Variants in REPS2 observed in about 807,000 individuals in gnomAD.
REPS2 encodes RALBP1 associated Eps domain containing 2, also known as ralBP1-associated Eps domain-containing protein 2.
In REPS2, 23 loss-of-function variants were observed where a neutral mutation model predicts 53.6. The observed-to-expected ratio is 0.43, with a 90% confidence interval of 0.31 to 0.61. The LOEUF (loss-of-function observed/expected upper bound fraction) is 0.61. Among genes scored for constraint, REPS2 ranks in the 20% least tolerant of loss-of-function variants. The pLI is 0.11. For synonymous variants in REPS2, 238 were observed against 218.6 expected, an observed-to-expected ratio of 1.09 and a Z score of -0.78; for missense variants, 446 against 534.9, an observed-to-expected ratio of 0.83 and a Z score of 1.64.
At chrX:17,140,856 C>T (rs1466428825) in intron 17 of REPS2, among the ~76,000 whole-genome samples, 5 of 108,660 alleles carry the variant, frequency 4.6e-5, no homozygotes, top group African/African-American at 1.0e-4. Flanking sequence ...CTGCAAGCTC[C>T]GCCTCCTGGG....
intron 1 of REPS2, among the ~76,000 whole-genome samples, chrX:16,994,447 G>A (rs994237947): frequency 5.5e-5 from 6 of 109,551 alleles, no homozygotes; most frequent in Non-Finnish European, 1.1e-4. Flanking sequence ...ATACACACAC[G>A]TAACATTTAT....
intron 13 of REPS2, among the ~76,000 whole-genome samples, chrX:17,091,109 C>T (rs940107288): frequency 8.9e-6 from 1 of 112,134 alleles, no homozygotes; most frequent in African/African-American, 3.2e-5. Context: ...TAGCACTATA[C>T]TGAATGTTTT....
At position 17,068,347 on chromosome X, in the gene REPS2, C is replaced by T; in HGVS notation, c.1210-55C>T. The T allele has an allele frequency of 6.9e-6, 7 of 1,015,876 alleles. 1 individual carries two copies. Among genetic ancestry groups the T allele is most frequent in the Admixed American group, 2.5e-5 (1 of 40,416 alleles). The allele number at this position is 1,015,876 out of a possible 1,213,427, so 83.7% of individuals were successfully genotyped here. On this transcript the variant is annotated intron_variant, in intron 9 of 17. Coordinates refer to ENST00000357277, the MANE Select transcript of REPS2 (RefSeq NM_004726.3). ...AAAATTTTTTTTCATCATATGTGCG[C>T]ATCACTTAATTTCTGTTCCAACCAG... is the stretch of plus-strand genomic sequence containing the variant.
At chrX:17,057,329 A>G (rs2147942524) in intron 8 of REPS2, among the ~76,000 whole-genome samples, 1 of 112,432 alleles carries the variant, frequency 8.9e-6, no homozygotes, top group Admixed American at 9.4e-5. Context: ...TTAAATAAAA[A>G]GTCTGTCATT....
At chrX:17,004,792 A>C (rs918658446) in intron 1 of REPS2, among the ~76,000 whole-genome samples, 2 of 112,148 alleles carry the variant, frequency 1.8e-5, no homozygotes, top group Non-Finnish European at 3.8e-5. Flanking sequence ...ACTGAAAGTT[A>C]ACTTGATAGT....
chrX:17,084,946 A>G (rs1407783797), intron 13 of REPS2, among the ~76,000 whole-genome samples: 1 of 111,799 alleles, frequency 8.9e-6, no homozygotes, highest in East Asian at 2.8e-4. Context: ...TATCTAAAAA[A>G]CCATTGCTTA....
intron 4 of REPS2, among the ~76,000 whole-genome samples, chrX:17,026,098 G>A (rs1212671408): frequency 8.9e-6 from 1 of 111,843 alleles, no homozygotes; most frequent in Non-Finnish European, 1.9e-5. Context: ...AGCAGGCGTG[G>A]CATAATGGCA....
chrX:17,093,199 T>TATATATATATATATAA (rs2062646876), intron 13 of REPS2, among the ~76,000 whole-genome samples: 1 of 10,406 alleles, frequency 9.6e-5, no homozygotes, highest in African/African-American at 3.4e-4. Context: ...TATATATATA[T>TATATATATATATATAA]AATTTTTTTT....
At chrX:17,104,930 G>T (rs1207734402) in intron 14 of REPS2, among the ~76,000 whole-genome samples, 1 of 111,290 alleles carries the variant, frequency 9.0e-6, no homozygotes, top group Non-Finnish European at 1.9e-5. Context: ...TGTGTCTGTT[G>T]AGCATCTCCA....
intron 5 of REPS2, among the ~76,000 whole-genome samples, chrX:17,038,232 T>C (rs2061790650): frequency 8.9e-6 from 1 of 112,354 alleles, no homozygotes; most frequent in Admixed American, 9.4e-5. Context: ...TAAAACATGG[T>C]ACCATGTAGC....
At chrX:16,964,581 G>T (rs2060709673) in intron 1 of REPS2, among the ~76,000 whole-genome samples, 1 of 110,024 alleles carries the variant, frequency 9.1e-6, no homozygotes, top group Non-Finnish European at 1.9e-5. Context: ...GGGCAGAGGG[G>T]CTCCTCACTT....
intron 10 of REPS2, 85 bp from the exon 11 acceptor site, chrX:17,069,855 A>G (rs1316858775): frequency 9.3e-6 from 5 of 538,822 alleles, no homozygotes; most frequent in Non-Finnish European, 1.1e-5. Context: ...TTTGAATCCA[A>G]TTTGCCTCAG....
At chrX:17,155,484 G>C (rs779649919), downstream of REPS2, among the ~76,000 whole-genome samples, 36 of 111,844 alleles carry the variant, frequency 3.2e-4, no homozygotes, top group Non-Finnish European at 6.8e-4. Context: ...TATAGCAGAT[G>C]GATGTGGAAT....
the REPS2 span, among the ~76,000 whole-genome samples, chrX:17,183,730 G>T: frequency 8.9e-6 from 1 of 112,237 alleles, no homozygotes; most frequent in Non-Finnish European, 1.9e-5. Context: ...ATGGAGATGA[G>T]ATGATGTCAT....
chrX:17,164,130 G>A, the REPS2 span, among the ~76,000 whole-genome samples: 29 of 111,857 alleles, frequency 2.6e-4, no homozygotes, highest in Admixed American at 5.7e-4. Flanking sequence ...ATTTTTATAC[G>A]TTAGGATACA....
chrX:17,167,602 G>A, the REPS2 span, among the ~76,000 whole-genome samples: 4 of 106,576 alleles, frequency 3.8e-5, no homozygotes, highest in African/African-American at 1.4e-4. Flanking sequence ...TCAAGACTGG[G>A]GGGAGCGGGT....
the REPS2 span, among the ~76,000 whole-genome samples, chrX:17,187,494 CAGG>C: frequency 4.5e-5 from 5 of 112,258 alleles, no homozygotes; most frequent in South Asian, 1.5e-3. Flanking sequence ...AAGCTGACTG[CAGG>C]AGAAGGGGCC....
At position 17,148,331 on chromosome X, in the gene REPS2, A is replaced by G; in HGVS notation, c.*850A>G. On this transcript the variant is annotated 3_prime_UTR_variant, in exon 18 of 18. Transcript: ENST00000357277. ...CATGGGATAATATATCTGTAAATGC[A>G]TGAGTTTGGAAACCACCCATCAAAT... 8.9e-6 allele frequency: 1 copy of G among 112,663 alleles called. No homozygotes were observed. The highest frequency in any genetic ancestry group is 2.8e-4 in the East Asian group (1 of 3,584). 9.3% of individuals were successfully genotyped at this position (112,663 alleles called of 1,213,427 possible).
At chrX:17,115,584 A>G (rs1225199835) in intron 14 of REPS2, among the ~76,000 whole-genome samples, 1 of 111,748 alleles carries the variant, frequency 8.9e-6, no homozygotes, top group African/African-American at 3.3e-5. Context: ...GGGGACGGTC[A>G]GGTCTTTCTC....
Sources: allele counts gnomAD v4.1 joint callset (sites outside exome capture counted in the v4.1 genomes callset), GRCh38; gene constraint gnomAD v4.1.1; transcripts MANE v1.5; gene names NCBI Gene and HGNC (gene_info 2026-07-23, HGNC 2026-07-21).